Variants in C1orf116 observed in about 807,000 individuals in gnomAD.
The protein encoded by C1orf116 is chromosome 1 open reading frame 116.
Under a neutral mutation model 14.1 loss-of-function variants are expected in C1orf116, and 12 were observed. That is an observed-to-expected ratio of 0.85 (90% CI 0.54 to 1.38). The LOEUF is 1.38. Among genes scored for constraint, C1orf116 ranks in the 40% most tolerant of loss-of-function variants. C1orf116 has a pLI of 0.00. For synonymous variants in C1orf116, 296 were observed against 299.0 expected, an observed-to-expected ratio of 0.99 and a Z score of 0.10; for missense variants, 797 against 747.0, an observed-to-expected ratio of 1.07 and a Z score of -0.78.
At chr1:207,029,972 C>G (rs563208017) in intron 1 of C1orf116, among the ~76,000 whole-genome samples, 10 of 152,306 alleles carry the variant, frequency 6.6e-5, no homozygotes, top group Non-Finnish European at 1.5e-4. Flanking sequence ...CCTTGTGCTT[C>G]TAAGTATGCT....
In C1orf116 at chr1:207,020,666, G is replaced by T. The variant is rs1681817882; in HGVS notation, c.*1292C>A. The T allele has an allele frequency of 6.6e-6, 1 of 152,164 alleles. No homozygotes were observed. Among genetic ancestry groups the T allele is most frequent in the Non-Finnish European group, 1.5e-5 (1 of 68,020 alleles). The allele number at this position is 152,164 out of a possible 1,614,324, so 9.4% of individuals were successfully genotyped here. On this transcript the variant is annotated 3_prime_UTR_variant, in exon 4 of 4. Transcript: ENST00000359470. ...AGTTACCATATAGCTATCTTCCAAA[G>T]ATAAAATTAAAAGCCACAGCAATAA...
rs369059383 is a variant in C1orf116, at chr1:207,022,047, G to T, written c.1717C>A (p.Pro573Thr). Residue 573 changes from proline (P) to threonine (T), a missense_variant, in exon 4 of 4, where the codon CCC (proline) becomes ACC (threonine). Transcript: ENST00000359470. The stretch of plus-strand genomic sequence containing the variant: ...GGGGAGATCTTGACACTGACACAGG[G>T]GGGGCGAGGAAGCTTGTCACGGCTC... ...GQSRDKLPRP[P>T]CVSVKISPKG... The T allele has an allele frequency of 2.3e-5, 37 of 1,602,922 alleles. No individual in the cohort carries two copies. The African/African-American group carries it at 3.2e-4, about 14-fold the overall frequency.
At chr1:207,023,620 T>C (rs2102299305) in intron 3 of C1orf116, 140 bp from the exon 4 acceptor site, 1 of 1,280,060 alleles carries the variant, frequency 7.8e-7, no homozygotes, top group Non-Finnish European at 1.0e-6. Flanking sequence ...TTTGCCTTGT[T>C]TTCTTTGCTT....
chr1:207,029,745 G>C (rs2791690), intron 1 of C1orf116, among the ~76,000 whole-genome samples: 17,068 of 152,144 alleles, frequency 0.11, 3,133 homozygotes, highest in African/African-American at 0.38. Flanking sequence ...ACATTTATGA[G>C]CACCTAATAA....
intron 3 of C1orf116, 56 bp downstream of exon 3, chr1:207,024,831 G>C: frequency 6.3e-7 from 1 of 1,583,876 alleles, no homozygotes; most frequent in South Asian, 1.1e-5. Context: ...TGGCCGGAGG[G>C]GACATATTGA....
rs988341621 is a variant in C1orf116, at chr1:207,020,100, C to A, written c.*1858G>T. The A allele has an allele frequency of 2.0e-5, 3 of 152,194 alleles. No individual in the cohort carries two copies. Among genetic ancestry groups the A allele is most frequent in the Non-Finnish European group, 2.9e-5 (2 of 68,056 alleles). 9.4% of individuals were successfully genotyped at this position (152,194 alleles called of 1,614,324 possible). On this transcript the variant is annotated 3_prime_UTR_variant, in exon 4 of 4. Transcript: ENST00000359470. ...GTGGAATCAGTCCTCCAGAAGGCAGCTTTCTCTCTTTCTGGGGGTGTATAA... is the reference window on the plus strand; with the variant it reads ...GTGGAATCAGTCCTCCAGAAGGCAGATTTCTCTCTTTCTGGGGGTGTATAA...
intron 1 of C1orf116, among the ~76,000 whole-genome samples, chr1:207,029,033 C>T (rs904718779): frequency 1.3e-5 from 2 of 152,186 alleles, no homozygotes; most frequent in African/African-American, 4.8e-5. Flanking sequence ...GGGCAGATGT[C>T]CTCTTGGCCT....
chr1:207,023,253 C>G lies in C1orf116; in HGVS notation c.511G>C (p.Glu171Gln). 6.2e-7 allele frequency: 1 copy of G among 1,613,402 alleles called. No homozygotes were observed. The highest frequency in any genetic ancestry group is 1.1e-5 in the South Asian group (1 of 90,988). Residue 171 changes from glutamate (E) to glutamine (Q), a missense_variant, in exon 4 of 4, where the codon GAA becomes CAA. By Grantham distance (29) the Glu-to-Gln change is conservative. Transcript: ENST00000359470. ...GGTTGGCTGCTCTGGCTGACCTGTT[C>G]TTTCTCAGGCTCTGGCGCAAGCCTC... ...PGRLAPEPEK[E>Q]QVSQSSQPRQ... is the part of the protein sequence containing the mutation.
rs753488102 is a variant in C1orf116 at position 207,023,249 on chromosome 1, T to C, written c.515A>G (p.Gln172Arg). 10 of 1,613,280 alleles carry C rather than the reference T, an allele frequency of 6.2e-6. No homozygotes were observed. The highest frequency in any genetic ancestry group is 5.1e-6 in the Non-Finnish European group (6 of 1,179,514). ...GRLAPEPEKE[Q>R]VSQSSQPRQA... ...CCTGGGTTGGCTGCTCTGGCTGACC[T>C]GTTCTTTCTCAGGCTCTGGCGCAAG... The change falls in exon 4 of 4, where the codon CAG becomes CGG. Residue 172 changes from glutamine (Q) to arginine (R), a missense_variant. Gln to Arg is a conservative substitution (Grantham distance 43, BLOSUM62 1). Coordinates refer to ENST00000359470, the MANE Select transcript of C1orf116 (RefSeq NM_023938.6).
rs192636086 is a variant in C1orf116, at chr1:207,032,593, G to A, written c.-96C>T. On this transcript the variant is annotated 5_prime_UTR_variant, in exon 1 of 4. Transcript: ENST00000359470. ...GATTAACTCACCTCCACTGGGTTGG[G>A]GGCTGAAGAGAGAAAAGAAATACCC... 3.1e-4 allele frequency: 302 copies of A among 985,414 alleles called. 6 individuals are homozygous for A. The highest frequency in any genetic ancestry group is 6.0e-5 in the Non-Finnish European group (50 of 829,946). The allele number at this position is 985,414 out of a possible 1,614,324, so 61.0% of individuals were successfully genotyped here. A position where few individuals can be genotyped will look rare whatever the true frequency, so the allele number is the denominator to read the frequency against.
At chr1:207,024,830 G>A (rs1682021132) in intron 3 of C1orf116, 57 bp downstream of exon 3, 3 of 1,581,928 alleles carry the variant, frequency 1.9e-6, no homozygotes, top group African/African-American at 1.3e-5. Context: ...GTGGCCGGAG[G>A]GGACATATTG....
intron 2 of C1orf116, among the ~76,000 whole-genome samples, chr1:207,027,262 G>A (rs996730145): frequency 3.9e-5 from 6 of 152,022 alleles, no homozygotes; most frequent in African/African-American, 4.8e-5. Flanking sequence ...AATGAAAATC[G>A]GCGGAAAAAG....
In C1orf116 at chr1:207,024,959, T is replaced by C; in HGVS notation, c.211A>G (p.Thr71Ala). 1 of 1,613,980 alleles carries C rather than the reference T, an allele frequency of 6.2e-7. No homozygotes were observed. The highest frequency in any genetic ancestry group is 8.5e-7 in the Non-Finnish European group (1 of 1,179,984). Residue 71 changes from threonine to alanine, a missense_variant, in exon 3 of 4, where the codon ACT becomes GCT. Thr to Ala is a moderately conservative substitution (Grantham distance 58, BLOSUM62 0). Coordinates refer to ENST00000359470, the MANE Select transcript of C1orf116 (RefSeq NM_023938.6). ...GTTGTGGCTGGCTCAGACTCGTCAG[T>C]GGACAGTCCGCTGTCAGCCTCCGTG... ...LDTEADSGLS[T>A]DESEPATTPR...
In C1orf116 at chr1:207,022,605, C is replaced by A; in HGVS notation, c.1159G>T (p.Ala387Ser). ...KETRAQHLSP[A>S]PGLAQPAAPA... ...GCTGCAGGCTGAGCCAGACCTGGAGCTGGGGACAGATGCTGGGCCCGTGTC... is the reference window on the plus strand; with the variant it reads ...GCTGCAGGCTGAGCCAGACCTGGAGATGGGGACAGATGCTGGGCCCGTGTC... The change falls in exon 4 of 4, where the codon GCT (alanine) becomes TCT (serine). Residue 387 changes from alanine (A) to serine (S), a missense_variant. Ala to Ser is a moderately conservative substitution (Grantham distance 99). Coordinates refer to ENST00000359470, the MANE Select transcript of C1orf116 (RefSeq NM_023938.6). The A allele has an allele frequency of 2.5e-6, 4 of 1,614,200 alleles. No individual in the cohort carries two copies. The highest frequency in any genetic ancestry group is 3.4e-6 in the Non-Finnish European group (4 of 1,180,040).
chr1:207,028,889 T>G (rs1682161835), intron 1 of C1orf116, among the ~76,000 whole-genome samples: 1 of 152,220 alleles, frequency 6.6e-6, no homozygotes, highest in Non-Finnish European at 1.5e-5. Flanking sequence ...GTTTGTCTGA[T>G]TCTAAATCCA....
chr1:207,030,635 A>G (rs911566090), intron 1 of C1orf116, among the ~76,000 whole-genome samples: 3 of 152,220 alleles, frequency 2.0e-5, no homozygotes, highest in African/African-American at 4.8e-5. Flanking sequence ...TCTGACCTAA[A>G]GAATCTTAAT....
chr1:207,026,232 C>A (rs780691999), intron 2 of C1orf116, among the ~76,000 whole-genome samples: 12 of 152,222 alleles, frequency 7.9e-5, no homozygotes, highest in Non-Finnish European at 1.8e-4. Flanking sequence ...CTGGAACTTC[C>A]TTTCGCATGT....
At chr1:207,031,509 C>T (rs1682243810) in intron 1 of C1orf116, among the ~76,000 whole-genome samples, 1 of 152,122 alleles carries the variant, frequency 6.6e-6, no homozygotes, top group African/African-American at 2.4e-5. Context: ...GCTGCGTGTG[C>T]CAGGCCCTTG....
chr1:207,032,036 G>C (rs1682261073), intron 1 of C1orf116, among the ~76,000 whole-genome samples: 2 of 152,120 alleles, frequency 1.3e-5, no homozygotes, highest in Admixed American at 1.3e-4. Flanking sequence ...AAACAACCTA[G>C]TACAGCTCAT....
Sources: gnomAD v4.1 joint callset for allele counts (sites outside exome capture counted in the v4.1 genomes callset) on GRCh38, gnomAD v4.1.1 for gene constraint, MANE v1.5 for transcripts, NCBI Gene and HGNC (gene_info 2026-07-23, HGNC 2026-07-21) for gene names.